MPRIP: variants seen among roughly 807,000 people sequenced by gnomAD.
MPRIP encodes myosin phosphatase Rho-interacting protein.
In MPRIP, 59 loss-of-function variants were observed where a neutral mutation model predicts 234.9. The ratio of observed to expected loss-of-function variants is 0.25; its 90% confidence interval spans 0.20 to 0.31. The LOEUF (loss-of-function observed/expected upper bound fraction) is 0.31. MPRIP is among the 10% of genes least tolerant of loss of function. The pLI is 1.00. For missense variants in MPRIP, 2,436 were observed against 3,071.0 expected (o/e 0.79, Z 4.89); for synonymous variants, 1,144 against 1,263.9 (o/e 0.91, Z 2.01).
intron 5 of MPRIP, among the ~76,000 whole-genome samples, chr17:17,134,339 T>C (rs1197422818): frequency 6.6e-6 from 1 of 152,144 alleles, no homozygotes; most frequent in Non-Finnish European, 1.5e-5. Flanking sequence ...GCCCTGGGTC[T>C]TCTTCCCAGG....
At chr17:17,100,055 C>T (rs1307530112) in intron 3 of MPRIP, among the ~76,000 whole-genome samples, 1 of 152,170 alleles carries the variant, frequency 6.6e-6, no homozygotes. Context: ...GTGGGGAGGC[C>T]CACCTTTTGG....
Position 17,175,144 on chromosome 17 carries a change from CAGAA to C in MPRIP, c.6751-146_6751-143del, listed in dbSNP as rs2046227368. The C allele has an allele frequency of 2.6e-6, 3 of 1,155,050 alleles. No homozygotes were observed. The Admixed American group carries it at 6.0e-5, about 23-fold the overall frequency. 71.6% of individuals were successfully genotyped at this position (1,155,050 alleles called of 1,614,324 possible). On this transcript the variant is annotated intron_variant, in intron 19 of 23. Coordinates refer to ENST00000651222, the MANE Select transcript of MPRIP (RefSeq NM_001364716.4). ...AACAGATTGACACTAGTTATTGTGA[CAGAA>C]AGGAATTAAGGGTTATCGATTGGAT...
intron 1 of MPRIP, among the ~76,000 whole-genome samples, chr17:17,064,179 G>T (rs1471940099): frequency 2.0e-5 from 3 of 151,248 alleles, no homozygotes; most frequent in Non-Finnish European, 4.4e-5. Context: ...CAGTGGCTGA[G>T]TTTTGTTTTT....
chr17:17,188,588 G>C lies in MPRIP; in HGVS notation c.*3694G>C, dbSNP rs1186290645. 3 of 152,246 alleles carry C rather than the reference G, an allele frequency of 2.0e-5. No individual in the cohort carries two copies. The highest frequency in any genetic ancestry group is 4.4e-5 in the Non-Finnish European group (3 of 68,052). 9.4% of individuals were successfully genotyped at this position (152,246 alleles called of 1,614,324 possible). A position where few individuals can be genotyped will look rare whatever the true frequency, so the allele number is the denominator to read the frequency against. The stretch of plus-strand genomic sequence containing the variant: ...CCTGAAAGGAATACTGACAGATAAG[G>C]CCGGAAACAAAACTGATGGCTTGAA... On this transcript the variant is annotated 3_prime_UTR_variant, in exon 24 of 24. Coordinates refer to ENST00000651222, the MANE Select transcript of MPRIP (RefSeq NM_001364716.4).
At chr17:17,087,868 G>A (rs1391188855) in intron 3 of MPRIP, among the ~76,000 whole-genome samples, 1 of 152,218 alleles carries the variant, frequency 6.6e-6, no homozygotes, top group African/African-American at 2.4e-5. Context: ...AGGATTTGGT[G>A]ACCTCAGGTG....
chr17:17,091,377 C>CT (rs2089713041), intron 3 of MPRIP, among the ~76,000 whole-genome samples: 1 of 152,138 alleles, frequency 6.6e-6, no homozygotes, highest in Non-Finnish European at 1.5e-5. Context: ...TCCCCACTAT[C>CT]ACTCCCAGTA....
intron 5 of MPRIP, among the ~76,000 whole-genome samples, chr17:17,134,153 C>G (rs989818230): frequency 2.0e-5 from 3 of 152,376 alleles, no homozygotes; most frequent in African/African-American, 4.8e-5. Flanking sequence ...CTGTCACCCC[C>G]ACTCCAAGTT....
intron 3 of MPRIP, among the ~76,000 whole-genome samples, chr17:17,112,660 C>T (rs527524981): frequency 1.1e-4 from 17 of 152,352 alleles, no homozygotes; most frequent in Non-Finnish European, 1.8e-4. Flanking sequence ...GCCTCCTCCC[C>T]TCTGCCCCTT....
At chr17:17,129,442 G>A (rs1297234102) in intron 4 of MPRIP, among the ~76,000 whole-genome samples, 1 of 152,124 alleles carries the variant, frequency 6.6e-6, no homozygotes, top group African/African-American at 2.4e-5. Context: ...GCTTCCTATT[G>A]GGCTTCCTTG....
intron 4 of MPRIP, among the ~76,000 whole-genome samples, chr17:17,128,802 C>T (rs1251416668): frequency 6.6e-6 from 1 of 152,162 alleles, no homozygotes; most frequent in Non-Finnish European, 1.5e-5. Context: ...GGGACAAGTG[C>T]TTTTGCCTCC....
chr17:17,066,863 C>T (rs1161995493), intron 1 of MPRIP, among the ~76,000 whole-genome samples: 1 of 149,344 alleles, frequency 6.7e-6, no homozygotes, highest in Admixed American at 6.8e-5. Flanking sequence ...CTCAAGTGAT[C>T]CTCATGCCTC....
intron 3 of MPRIP, among the ~76,000 whole-genome samples, chr17:17,091,724 A>G (rs1057352534): frequency 4.6e-5 from 7 of 152,108 alleles, no homozygotes; most frequent in African/African-American, 1.7e-4. Flanking sequence ...CGAGGGTGCA[A>G]AGAATGGGGA....
intron 1 of MPRIP, among the ~76,000 whole-genome samples, chr17:17,045,522 A>G (rs753139552): frequency 7.9e-5 from 12 of 152,192 alleles, no homozygotes; most frequent in Non-Finnish European, 1.6e-4. Flanking sequence ...TCTGAAGCCA[A>G]TGTTAGTTCC....
intron 3 of MPRIP, among the ~76,000 whole-genome samples, chr17:17,112,059 G>A (rs2090183309): frequency 6.6e-6 from 1 of 152,208 alleles, no homozygotes; most frequent in African/African-American, 2.4e-5. Flanking sequence ...GTGTGCGGGT[G>A]CTGTGGGCAG....
Position 17,164,541 on chromosome 17 carries a change from C to T in MPRIP, c.2950C>T (p.Arg984Trp), listed in dbSNP as rs1009140876. 33 of 1,208,534 alleles carry T rather than the reference C, an allele frequency of 2.7e-5. No individual in the cohort carries two copies. Among genetic ancestry groups the T allele is most frequent in the East Asian group, 5.8e-5 (1 of 17,350 alleles). The allele number at this position is 1,208,534 out of a possible 1,614,324, so 74.9% of individuals were successfully genotyped here. The change falls in exon 16 of 24, where the codon CGG (arginine) becomes TGG (tryptophan). Residue 984 changes from arginine to tryptophan, a missense_variant. By Grantham distance (101) the Arg-to-Trp change is moderately radical. Coordinates refer to ENST00000651222, the MANE Select transcript of MPRIP (RefSeq NM_001364716.4). ...CCTGGAGACACAGCAGGCGCTGCAGCGGGACCGGCAGAAGGAGGTCCAGAG... is the reference window on the plus strand; with the variant it reads ...CCTGGAGACACAGCAGGCGCTGCAGTGGGACCGGCAGAAGGAGGTCCAGAG... ...RGLETQQALQ[R>W]DRQKEVQRLQ...
chr17:17,192,339 A>G lies in MPRIP; in HGVS notation c.*7445A>G, dbSNP rs2046604834. The stretch of plus-strand genomic sequence containing the variant: ...GGTTCCAGCACAGCGCTCGGGTCTA[A>G]GAAGTAGAGCCCCGGGGTAGGGTGG... On this transcript the variant is annotated 3_prime_UTR_variant, in exon 24 of 24. Transcript: ENST00000651222. 1 of 144,440 alleles carries G rather than the reference A, an allele frequency of 6.9e-6. No individual in the cohort carries two copies. Among genetic ancestry groups the G allele is most frequent in the Admixed American group, 7.3e-5 (1 of 13,724 alleles). 8.9% of individuals were successfully genotyped at this position (144,440 alleles called of 1,614,324 possible).
At chr17:17,155,276 G>A (rs2045703075) in intron 13 of MPRIP, among the ~76,000 whole-genome samples, 1 of 150,640 alleles carries the variant, frequency 6.6e-6, no homozygotes, top group Admixed American at 6.6e-5. Flanking sequence ...TTTTTGAGAT[G>A]GAGTCTTGTT....
At position 17,167,284 on chromosome 17, in the gene MPRIP, A is replaced by G; in HGVS notation, c.5693A>G (p.Gln1898Arg). Residue 1898 changes from glutamine to arginine, a missense_variant, in exon 16 of 24, where the codon CAG (glutamine) becomes CGG (arginine). Gln to Arg is a conservative substitution (Grantham distance 43). Coordinates refer to ENST00000651222, the MANE Select transcript of MPRIP (RefSeq NM_001364716.4). This position sits in a 1 kb window ranked among gnomAD's most constrained non-coding sequence, Gnocchi z 5.9. Reference sequence around the variant, plus strand: ...GAGTATGAGGAGCTTCTCCGCAAGCAGAAGAGCGAGTACCTGGATGTGATC... The same window carrying G: ...GAGTATGAGGAGCTTCTCCGCAAGCGGAAGAGCGAGTACCTGGATGTGATC... Reference protein sequence around the residue: ...REEYEELLRKQKSEYLDVIAI... With the variant: ...REEYEELLRKRKSEYLDVIAI... 7.7e-7 allele frequency: 1 copy of G among 1,304,048 alleles called. No homozygotes were observed. Among genetic ancestry groups the G allele is most frequent in the Non-Finnish European group, 1.0e-6 (1 of 988,944 alleles). 80.8% of individuals were successfully genotyped at this position (1,304,048 alleles called of 1,614,324 possible).
intron 7 of MPRIP, 190 bp from the exon 8 acceptor site, chr17:17,142,437 A>G: frequency 1.6e-6 from 1 of 610,460 alleles, no homozygotes; most frequent in Non-Finnish European, 2.8e-6. Context: ...CGCAGGCCTG[A>G]TGGGAGGGAG....
Sources: gnomAD v4.1 joint callset for allele counts (sites outside exome capture counted in the v4.1 genomes callset) on GRCh38, gnomAD v4.1.1 for gene constraint, Gnocchi (gnomAD v3.1) non-coding constraint, MANE v1.5 for transcripts, NCBI Gene and HGNC (gene_info 2026-07-23, HGNC 2026-07-21) for gene names.